The following ABCC1 variants were observed in gnomAD, a reference collection of about 807,000 sequenced individuals.
ABCC1 encodes ATP binding cassette subfamily C member 1 (ABCC1 blood group).
Under a neutral mutation model 172.9 loss-of-function variants are expected in ABCC1, and 83 were observed. The observed-to-expected ratio is 0.48, with a 90% CI of 0.40 to 0.58. The LOEUF (loss-of-function observed/expected upper bound fraction) is 0.58. Ranked by LOEUF, ABCC1 falls within the 20% of genes least tolerant of loss-of-function variation. The pLI is 0.00. For missense variants in ABCC1, 1,817 were observed against 2,002.7 expected (o/e 0.91, Z 1.77); for synonymous variants, 937 against 825.2 (o/e 1.14, Z -2.32).
Position 16,136,560 on chromosome 16 carries a change from T to C in ABCC1, c.4208T>C (p.Leu1403Pro). Residue 1403 changes from leucine (L) to proline (P), a missense_variant, in exon 29 of 31, where the codon CTG becomes CCG. By Grantham distance (98) the Leu-to-Pro change is moderately conservative (BLOSUM62 -3). Coordinates refer to ENST00000399410, the MANE Select transcript of ABCC1 (RefSeq NM_004996.4). ...TCGGATGAAGAAGTCTGGACGTCCC[T>C]GGAGCTGGCCCACCTGAAGGACTTC... ...QYSDEEVWTS[L>P]ELAHLKDFVS... 6.2e-7 allele frequency: 1 copy of C among 1,614,182 alleles called. No homozygotes were observed. The highest frequency in any genetic ancestry group is 8.5e-7 in the Non-Finnish European group (1 of 1,180,032).
At chr16:16,075,785 C>T (rs2050536345) in intron 14 of ABCC1, among the ~76,000 whole-genome samples, 1 of 152,158 alleles carries the variant, frequency 6.6e-6, no homozygotes. Flanking sequence ...CTGTGATGTG[C>T]TGTGTGTAGA....
At position 16,088,714 on chromosome 16, in the gene ABCC1, C is replaced by CTT. The variant is rs66796021; in HGVS notation, c.2461-1683_2461-1682dup. Reference sequence around the variant, plus strand: ...GGAACATGGCCAATGTATTTTTTTTCTTTTTTTTTCTGCAGACAGGGTTTT... The same window carrying CTT: ...GGAACATGGCCAATGTATTTTTTTTCTTTTTTTTTTTCTGCAGACAGGGTTTT... On this transcript the variant is annotated intron_variant, in intron 18 of 30. Coordinates refer to ENST00000399410, the MANE Select transcript of ABCC1 (RefSeq NM_004996.4). Among the ~76,000 whole-genome samples, 9 of 146,952 alleles carry CTT rather than the reference C, an allele frequency of 6.1e-5. No individual in the cohort carries two copies. The East Asian group carries it at 9.8e-4, about 16-fold the overall frequency.
intron 7 of ABCC1, among the ~76,000 whole-genome samples, chr16:16,041,965 C>T (rs545093954): frequency 9.9e-5 from 15 of 152,072 alleles, no homozygotes; most frequent in African/African-American, 2.7e-4. Flanking sequence ...GGTGTGGTGG[C>T]GCTCACCTGT....
intron 12 of ABCC1, among the ~76,000 whole-genome samples, chr16:16,057,741 T>C (rs1317923125): frequency 6.6e-6 from 1 of 152,154 alleles, no homozygotes; most frequent in African/African-American, 2.4e-5. Context: ...TATATAGTCT[T>C]GGTTCGTTCA....
intron 15 of ABCC1, among the ~76,000 whole-genome samples, chr16:16,078,167 A>T (rs2050659026): frequency 6.6e-6 from 1 of 152,210 alleles, no homozygotes; most frequent in African/African-American, 2.4e-5. Flanking sequence ...TCAAAAAAAT[A>T]AATAAATACT....
In ABCC1 at chr16:15,997,244, C is replaced by T. The variant is rs146002686; in HGVS notation, c.49-10572C>T. On this transcript the variant is annotated intron_variant, in intron 1 of 30. Transcript: ENST00000399410. ...GTAGCCGGGACTCAGGCCTGTGCCA[C>T]CACGCCTGGTGAATTTTTTTGTATT... Among the ~76,000 whole-genome samples, 7 of 152,240 alleles carry T rather than the reference C, an allele frequency of 4.6e-5. No homozygotes were observed. In the East Asian group the frequency reaches 1.4e-3, roughly 29 times the overall value.
intron 1 of ABCC1, among the ~76,000 whole-genome samples, chr16:15,985,944 C>T (rs1172590326): frequency 6.6e-6 from 1 of 151,876 alleles, no homozygotes; most frequent in Non-Finnish European, 1.5e-5. Flanking sequence ...CATGTCCCTC[C>T]ACCCCTGCTT....
intron 16 of ABCC1, among the ~76,000 whole-genome samples, chr16:16,082,029 C>T (rs2050823559): frequency 6.6e-6 from 1 of 152,142 alleles, no homozygotes; most frequent in Non-Finnish European, 1.5e-5. Flanking sequence ...AAAAAATCTT[C>T]AGGGGCTCCC....
rs60647522 is a variant in ABCC1, at chr16:15,969,155, G to C, written c.48+19356G>C. Among the ~76,000 whole-genome samples, 933 of 152,270 alleles carry C rather than the reference G, an allele frequency of 6.1e-3. 10 individuals carry two copies. The highest frequency in any genetic ancestry group is 0.02 in the African/African-American group (831 of 41,576). ...GGAGGAGGAGGTTGTAGAGAGCCAA[G>C]ATGATGGCACTGCACTCCAGCCTGG... On this transcript the variant is annotated intron_variant, in intron 1 of 30. Transcript: ENST00000399410.
At chr16:16,086,399 G>C (rs1323821339) in intron 17 of ABCC1, among the ~76,000 whole-genome samples, 1 of 152,206 alleles carries the variant, frequency 6.6e-6, no homozygotes, top group Non-Finnish European at 1.5e-5. Context: ...GGTGGGTGCA[G>C]CTCTGCAGGG....
intron 12 of ABCC1, among the ~76,000 whole-genome samples, chr16:16,067,841 G>A (rs1425443225): frequency 6.6e-6 from 1 of 152,170 alleles, no homozygotes; most frequent in Non-Finnish European, 1.5e-5. Flanking sequence ...AGGGGCAAAG[G>A]CCTGGCTTGG....
intron 1 of ABCC1, 51 bp downstream of exon 1, chr16:15,949,850 G>T: frequency 8.4e-7 from 1 of 1,183,858 alleles, no homozygotes; most frequent in South Asian, 4.2e-5. Flanking sequence ...AGGCCGGCGG[G>T]GAGGGAAAGC....
At chr16:16,118,547 A>G (rs2045005537) in intron 23 of ABCC1, among the ~76,000 whole-genome samples, 1 of 151,384 alleles carries the variant, frequency 6.6e-6, no homozygotes, top group Non-Finnish European at 1.5e-5. Context: ...TGTTGAAGGC[A>G]ACTTAAATGT....
chr16:16,071,841 A>G (rs1479182280), intron 14 of ABCC1, 112 bp downstream of exon 14: 1 of 990,008 alleles, frequency 1.0e-6, no homozygotes, highest in African/African-American at 1.6e-5. Flanking sequence ...GACTCTGCCC[A>G]GCCGCTTGTC....
chr16:16,131,589 G>A (rs1223461211), intron 26 of ABCC1, among the ~76,000 whole-genome samples, 200 bp from the exon 27 acceptor site: 2 of 151,992 alleles, frequency 1.3e-5, no homozygotes, highest in Admixed American at 1.3e-4. Flanking sequence ...GGGCTGAGAG[G>A]GTGCTCTGTA....
At chr16:16,083,223 G>C in intron 16 of ABCC1, 143 bp from the exon 17 acceptor site, 1 of 809,334 alleles carries the variant, frequency 1.2e-6, no homozygotes, top group South Asian at 1.7e-5. Flanking sequence ...TTGTGAGTCA[G>C]TTTCCCTCTT....
intron 22 of ABCC1, among the ~76,000 whole-genome samples, chr16:16,112,508 C>T (rs1286461833): frequency 6.6e-6 from 1 of 152,162 alleles, no homozygotes; most frequent in African/African-American, 2.4e-5. Context: ...AACACTTCCA[C>T]GTGTTTTAAC....
intron 19 of ABCC1, among the ~76,000 whole-genome samples, chr16:16,097,257 T>C (rs1287408899): frequency 6.6e-6 from 1 of 152,186 alleles, no homozygotes; most frequent in African/African-American, 2.4e-5. Flanking sequence ...GGATTACGGA[T>C]GCCTGCCACC....
intron 1 of ABCC1, among the ~76,000 whole-genome samples, chr16:15,966,969 C>G (rs1380846800): frequency 6.6e-6 from 1 of 152,174 alleles, no homozygotes; most frequent in Non-Finnish European, 1.5e-5. Flanking sequence ...GTGGGCACCA[C>G]TGTGCCTGGC....
Sources: allele counts gnomAD v4.1 joint callset (sites outside exome capture counted in the v4.1 genomes callset), GRCh38; gene constraint gnomAD v4.1.1; transcripts MANE v1.5; gene names NCBI Gene and HGNC (gene_info 2026-07-23, HGNC 2026-07-21).